Variants in CCND3 observed in about 807,000 individuals in gnomAD.
CCND3 encodes G1/S-specific cyclin-D3.
A neutral mutation model predicts 28.7 loss-of-function variants in CCND3; 9 were observed. That is an observed-to-expected ratio of 0.31 (90% confidence interval 0.19 to 0.55). The LOEUF (loss-of-function observed/expected upper bound fraction) is 0.55. Among genes scored for constraint, CCND3 ranks in the 20% least tolerant of loss-of-function variants. The pLI is 0.93. For missense variants in CCND3, 315 were observed against 385.8 expected, an observed-to-expected ratio of 0.82 and a Z score of 1.54; for synonymous variants, 164 against 163.9, an observed-to-expected ratio of 1.00 and a Z score of 0.00.
At chr6:41,983,893 C>G (rs762192631) in intron 1 of CCND3, among the ~76,000 whole-genome samples, 4 of 152,178 alleles carry the variant, frequency 2.6e-5, no homozygotes, top group Non-Finnish European at 4.4e-5. Flanking sequence ...TACAATAGAT[C>G]TCTGAATCTA....
chr6:42,025,834 C>T (rs1322471355), intron 1 of CCND3, among the ~76,000 whole-genome samples: 1 of 152,218 alleles, frequency 6.6e-6, no homozygotes. Flanking sequence ...GGGACTGTGC[C>T]CATCTTGTTC....
At chr6:41,958,287 A>G (rs1446375364) in intron 1 of CCND3, among the ~76,000 whole-genome samples, 1 of 152,054 alleles carries the variant, frequency 6.6e-6, no homozygotes, top group Non-Finnish European at 1.5e-5. Flanking sequence ...GTGAGCCACC[A>G]TGCCTGGCCT....
rs768778584 is a variant in CCND3, at chr6:41,937,403, G to T, written c.415-9C>A. 5.0e-6 allele frequency: 8 copies of T among 1,613,978 alleles called. No homozygotes were observed. In the East Asian group the frequency reaches 8.9e-5, roughly 18 times the overall value. ...ACCAGCACCTCCCAGTCCTGAAAAA[G>T]CGGGGAAAGGGTGGGGTCAGTGGCT... On this transcript the variant is annotated splice_polypyrimidine_tract_variant and intron_variant, in intron 2 of 4. Transcript: ENST00000372991.
intron 1 of CCND3, among the ~76,000 whole-genome samples, chr6:41,965,195 G>A (rs1201167445): frequency 2.0e-5 from 3 of 150,088 alleles, no homozygotes; most frequent in African/African-American, 4.9e-5. Context: ...TCAGCATCCC[G>A]AGTAGCTGGG....
At chr6:42,025,952 G>A (rs953087222) in intron 1 of CCND3, among the ~76,000 whole-genome samples, 4 of 152,146 alleles carry the variant, frequency 2.6e-5, no homozygotes, top group East Asian at 1.9e-4. Context: ...GAATGAATGA[G>A]TCAGCACTGG....
At chr6:42,003,948 A>C (rs1299225688) in intron 1 of CCND3, among the ~76,000 whole-genome samples, 1 of 151,448 alleles carries the variant, frequency 6.6e-6, no homozygotes, top group African/African-American at 2.4e-5. Context: ...CAAAAAAAAA[A>C]AAAAAAAAAA....
intron 1 of CCND3, among the ~76,000 whole-genome samples, chr6:41,999,180 C>T (rs1459979919): frequency 3.3e-5 from 5 of 151,512 alleles, no homozygotes; most frequent in Admixed American, 2.0e-4. Context: ...AGCGCCATTG[C>T]GCTTCAGCCT....
chr6:41,990,660 ATTTTTTTTTTTTTTT>A (rs67939325), intron 1 of CCND3, among the ~76,000 whole-genome samples: 28 of 121,300 alleles, frequency 2.3e-4, no homozygotes, highest in African/African-American at 6.6e-4. Flanking sequence ...TAACCAACTG[ATTTTTTTTTTTTTTT>A]TTTTTTTTTT....
chr6:41,936,234 G>GAATCGCTCTTTAGTTCTCAGAAACTAGCA lies in CCND3; in HGVS notation c.712-156_712-128dup. ...AGGTTAGGCCACAGCCCGGCCCCAG[G>GAATCGCTCTTTAGTTCTCAGAAACTAGCA]AATCGCTCTTTAGTTCTCAGAAACT... is the stretch of plus-strand genomic sequence containing the variant. On this transcript the variant is annotated intron_variant, in intron 4 of 4. Transcript: ENST00000372991. The surrounding 1 kb of genome is among the most constrained non-coding windows in gnomAD (Gnocchi z 4.4). 1 of 1,046,386 alleles carries GAATCGCTCTTTAGTTCTCAGAAACTAGCA rather than the reference G, an allele frequency of 9.6e-7. No individual in the cohort carries two copies. Among genetic ancestry groups the GAATCGCTCTTTAGTTCTCAGAAACTAGCA allele is most frequent in the Non-Finnish European group, 1.4e-6 (1 of 734,136 alleles). 64.8% of individuals were successfully genotyped at this position (1,046,386 alleles called of 1,614,324 possible).
intron 1 of CCND3, among the ~76,000 whole-genome samples, chr6:41,949,316 C>A (rs1776247671): frequency 6.6e-6 from 1 of 152,032 alleles, no homozygotes; most frequent in Admixed American, 6.6e-5. Context: ...ACCAGCCTGG[C>A]CAACATAGTG....
chr6:42,040,868 C>CAAAAAAAAAA (rs142222742), intron 1 of CCND3, among the ~76,000 whole-genome samples: 1 of 122,544 alleles, frequency 8.2e-6, no homozygotes, highest in Non-Finnish European at 1.8e-5. Flanking sequence ...AACAAACAAA[C>CAAAAAAAAAA]AAAAAAAAAA....
intron 1 of CCND3, among the ~76,000 whole-genome samples, chr6:41,997,350 A>T (rs1313038589): frequency 6.6e-6 from 1 of 152,176 alleles, no homozygotes; most frequent in East Asian, 1.9e-4. Context: ...AGGCATGCAG[A>T]ATCTGACTCA....
chr6:42,031,812 T>TA (rs1561995908), intron 1 of CCND3, among the ~76,000 whole-genome samples: 6 of 141,174 alleles, frequency 4.3e-5, no homozygotes. Flanking sequence ...TGCAACTGAC[T>TA]CTTTTTTTTT....
chr6:41,988,699 C>T (rs75990374), intron 1 of CCND3, among the ~76,000 whole-genome samples: 40 of 96,668 alleles, frequency 4.1e-4, no homozygotes, highest in East Asian at 6.1e-4. Flanking sequence ...AACTTCTTTT[C>T]TTTTTTTTTT....
Position 41,940,441 on chromosome 6 carries a change from C to T in CCND3, c.343G>A (p.Glu115Lys), listed in dbSNP as rs756727994. The change falls in exon 2 of 5, where the codon GAG becomes AAG. Residue 115 changes from glutamate to lysine, a missense_variant. By Grantham distance (56) the Glu-to-Lys change is moderately conservative. Transcript: ENST00000372991. The part of the protein sequence containing the change: ...VCMLLASKLR[E>K]TTPLTIEKLC... The stretch of plus-strand genomic sequence containing the variant: ...TTTTCGATGGTCAGGGGCGTGGTCT[C>T]GCGCAGCTTGGAGGCCAGCAGCATG... 6.2e-7 allele frequency: 1 copy of T among 1,614,072 alleles called. No homozygotes were observed.
At chr6:41,963,004 G>A (rs1053350244) in intron 1 of CCND3, among the ~76,000 whole-genome samples, 4 of 152,286 alleles carry the variant, frequency 2.6e-5, no homozygotes, top group African/African-American at 9.6e-5. Context: ...GCCCGCCTCG[G>A]CCTCCCAAAG....
intron 1 of CCND3, among the ~76,000 whole-genome samples, chr6:42,011,844 A>G (rs1016056624): frequency 6.6e-6 from 1 of 152,198 alleles, no homozygotes; most frequent in Non-Finnish European, 1.5e-5. Context: ...TCCCTTCTAC[A>G]GAAACCTGCA....
intron 1 of CCND3, among the ~76,000 whole-genome samples, chr6:42,006,144 G>A (rs1185719686): frequency 1.3e-5 from 2 of 151,826 alleles, no homozygotes; most frequent in African/African-American, 2.4e-5. Context: ...TACAGCCTGA[G>A]TGCAGACCAA....
At chr6:41,996,397 G>A (rs1236821306) in intron 1 of CCND3, among the ~76,000 whole-genome samples, 2 of 151,518 alleles carry the variant, frequency 1.3e-5, no homozygotes, top group African/African-American at 2.4e-5. Flanking sequence ...TGATCCGCTC[G>A]CCTCGGCCTC....
Sources: allele counts gnomAD v4.1 joint callset (sites outside exome capture counted in the v4.1 genomes callset), GRCh38; gene constraint gnomAD v4.1.1; non-coding constraint Gnocchi (gnomAD v3.1); transcripts MANE v1.5; gene names NCBI Gene and HGNC (gene_info 2026-07-23, HGNC 2026-07-21).